The following TMEM178B variants were observed in gnomAD, a reference collection of about 807,000 sequenced individuals.
TMEM178B encodes transmembrane protein 178B.
Under a neutral mutation model 31.0 loss-of-function variants are expected in TMEM178B, and 5 were observed. The ratio of observed to expected loss-of-function variants is 0.16; its 90% CI spans 0.08 to 0.34. TMEM178B has a LOEUF of 0.34. TMEM178B is among the 10% of genes least tolerant of loss of function. TMEM178B has a pLI of 1.00. For missense variants in TMEM178B, 275 were observed against 400.3 expected, an observed-to-expected ratio of 0.69 and a Z score of 2.67; for synonymous variants, 164 against 164.0, an observed-to-expected ratio of 1.00 and a Z score of 0.00.
intron 3 of TMEM178B, among the ~76,000 whole-genome samples, chr7:141,447,954 C>T (rs563756922): frequency 3.3e-5 from 5 of 151,976 alleles, no homozygotes; most frequent in African/African-American, 9.7e-5. Flanking sequence ...CATTGTCCCA[C>T]GCTTAAATGC....
intron 1 of TMEM178B, among the ~76,000 whole-genome samples, chr7:141,182,524 A>G (rs1297618421): frequency 6.6e-6 from 1 of 152,226 alleles, no homozygotes; most frequent in Non-Finnish European, 1.5e-5. Context: ...GGCACAGTCC[A>G]TCTGGAATCA....
At chr7:141,428,216 A>T (rs1002245006) in intron 2 of TMEM178B, among the ~76,000 whole-genome samples, 4 of 151,996 alleles carry the variant, frequency 2.6e-5, no homozygotes, top group Non-Finnish European at 4.4e-5. Flanking sequence ...ATACAAAAAA[A>T]AATTAGCTGG....
chr7:141,447,186 G>A (rs760032229), intron 3 of TMEM178B, among the ~76,000 whole-genome samples: 1 of 152,078 alleles, frequency 6.6e-6, no homozygotes, highest in Non-Finnish European at 1.5e-5. Flanking sequence ...AAAATATAGT[G>A]CGATGTTAGG....
chr7:141,358,814 T>G (rs1307239272), intron 2 of TMEM178B, among the ~76,000 whole-genome samples: 1 of 152,178 alleles, frequency 6.6e-6, no homozygotes, highest in African/African-American at 2.4e-5. Flanking sequence ...TTTTTGTAAC[T>G]ATTAGATCTC....
At chr7:141,144,058 T>A (rs1357423697) in intron 1 of TMEM178B, among the ~76,000 whole-genome samples, 2 of 152,230 alleles carry the variant, frequency 1.3e-5, no homozygotes, top group Non-Finnish European at 2.9e-5. Flanking sequence ...CATGGATTTT[T>A]ATACATTGAT....
intron 2 of TMEM178B, among the ~76,000 whole-genome samples, chr7:141,375,096 G>A (rs1429493862): frequency 6.6e-6 from 1 of 152,206 alleles, no homozygotes; most frequent in East Asian, 1.9e-4. Context: ...CAGATTTGAA[G>A]AACAGTTCAT....
At chr7:141,106,566 T>C (rs537086107) in intron 1 of TMEM178B, among the ~76,000 whole-genome samples, 1 of 152,316 alleles carries the variant, frequency 6.6e-6, no homozygotes, top group Non-Finnish European at 1.5e-5. Context: ...ACTTAAACTC[T>C]CTCTGAGATA....
At chr7:141,345,277 T>TA (rs1369523972) in intron 2 of TMEM178B, among the ~76,000 whole-genome samples, 1 of 152,120 alleles carries the variant, frequency 6.6e-6, no homozygotes, top group Non-Finnish European at 1.5e-5. Context: ...CCCCAAAACT[T>TA]ACAAATAAAG....
chr7:141,085,305 G>A (rs1272020230), intron 1 of TMEM178B, among the ~76,000 whole-genome samples: 1 of 151,716 alleles, frequency 6.6e-6, no homozygotes, highest in Non-Finnish European at 1.5e-5. Context: ...CCTATTTTTT[G>A]TAAATTTGTA....
chr7:141,368,144 C>G (rs1172671249), intron 2 of TMEM178B, among the ~76,000 whole-genome samples: 2 of 152,150 alleles, frequency 1.3e-5, no homozygotes, highest in Admixed American at 1.3e-4. Context: ...CATGGTGAAA[C>G]CCCATCTGCA....
At chr7:141,406,307 G>A (rs1213997817) in intron 2 of TMEM178B, among the ~76,000 whole-genome samples, 1 of 152,138 alleles carries the variant, frequency 6.6e-6, no homozygotes, top group African/African-American at 2.4e-5. Flanking sequence ...CCCTGAGTGT[G>A]AGGAAGTTCC....
chr7:141,092,031 T>A (rs898849679), intron 1 of TMEM178B, among the ~76,000 whole-genome samples: 2 of 152,220 alleles, frequency 1.3e-5, no homozygotes, highest in Admixed American at 6.5e-5. Context: ...CCCCACCTAA[T>A]GTACTTTAAC....
At chr7:141,335,439 A>G (rs1799368099) in intron 2 of TMEM178B, among the ~76,000 whole-genome samples, 1 of 152,182 alleles carries the variant, frequency 6.6e-6, no homozygotes, top group Non-Finnish European at 1.5e-5. Context: ...TCTTGAGAAC[A>G]GATGGGAAGT....
intron 2 of TMEM178B, among the ~76,000 whole-genome samples, chr7:141,230,174 T>C (rs182345727): frequency 6.6e-6 from 1 of 152,336 alleles, no homozygotes; most frequent in Non-Finnish European, 1.5e-5. Context: ...TGATAATCCT[T>C]GTGCATAAAT....
intron 2 of TMEM178B, among the ~76,000 whole-genome samples, chr7:141,284,004 C>T (rs1315490905): frequency 2.0e-5 from 3 of 152,348 alleles, no homozygotes; most frequent in South Asian, 2.1e-4. Context: ...CGACCTCCTT[C>T]AGCCGAATCA....
chr7:141,221,229 G>A (rs1453112718), intron 2 of TMEM178B, among the ~76,000 whole-genome samples: 1 of 152,226 alleles, frequency 6.6e-6, no homozygotes, highest in Non-Finnish European at 1.5e-5. Flanking sequence ...CCAGTTCCAG[G>A]TGCTGAAAAG....
At position 141,080,338 on chromosome 7, in the gene TMEM178B, C is replaced by T. The variant is rs139298301; in HGVS notation, c.382+5646C>T. ...AGACGGACAATAAATAAATACTCCA[C>T]GGCTGGGCACGGTGGCGCACGCCTG... On this transcript the variant is annotated intron_variant, in intron 1 of 3. Coordinates refer to ENST00000565468, the MANE Select transcript of TMEM178B (RefSeq NM_001195278.2). Among the ~76,000 whole-genome samples, 695 of 152,224 alleles carry T rather than the reference C, an allele frequency of 4.6e-3. 11 individuals carry two copies. Among genetic ancestry groups the T allele is most frequent in the East Asian group, 0.012 (63 of 5,180 alleles).
chr7:141,478,911 T>C lies in TMEM178B; in HGVS notation c.*8125T>C, dbSNP rs1052696215. 6.6e-6 allele frequency: 1 copy of C among 151,720 alleles called. No homozygotes were observed. The highest frequency in any genetic ancestry group is 6.6e-5 in the Admixed American group (1 of 15,232). The allele number at this position is 151,720 out of a possible 1,614,324, so 9.4% of individuals were successfully genotyped here. On this transcript the variant is annotated 3_prime_UTR_variant, in exon 4 of 4. Transcript: ENST00000565468. ...CATAGCTGATGAAGGCAGGAGTGAG[T>C]CTTATTATGTTGGCCTAGAGTAGAA...
chr7:141,254,067 A>C (rs1797881572), intron 2 of TMEM178B, among the ~76,000 whole-genome samples: 1 of 152,224 alleles, frequency 6.6e-6, no homozygotes, highest in South Asian at 2.1e-4. Flanking sequence ...AGGTGTCAAA[A>C]GTGGGGCTTG....
Sources: gnomAD v4.1 joint callset for allele counts (sites outside exome capture counted in the v4.1 genomes callset) on GRCh38, gnomAD v4.1.1 for gene constraint, MANE v1.5 for transcripts, NCBI Gene and HGNC (gene_info 2026-07-23, HGNC 2026-07-21) for gene names.